The following RBM5 variants were observed in gnomAD, a reference collection of about 807,000 sequenced individuals.
RBM5 encodes RNA binding motif protein 5.
Under a neutral mutation model 124.6 loss-of-function variants are expected in RBM5, and 15 were observed. The ratio of observed to expected loss-of-function variants is 0.12; its 90% CI spans 0.08 to 0.19. The LOEUF is 0.19. Among genes scored for constraint, RBM5 ranks in the 10% least tolerant of loss-of-function variants. The pLI is 1.00. For synonymous variants in RBM5, 337 were observed against 361.2 expected (o/e 0.93, Z 0.76); for missense variants, 580 against 1,026.5 (o/e 0.57, Z 5.94).
At chr3:50,113,227 C>T (rs560423949) in intron 17 of RBM5, 156 bp from the exon 18 acceptor site, 12 of 618,916 alleles carry the variant, frequency 1.9e-5, no homozygotes, top group African/African-American at 1.9e-4. Flanking sequence ...CTAGGTGGTT[C>T]ATCACCTTTA....
intron 4 of RBM5, among the ~76,000 whole-genome samples, chr3:50,096,650 C>A (rs150403705): frequency 7.6e-6 from 1 of 132,322 alleles, no homozygotes; most frequent in African/African-American, 2.9e-5. Flanking sequence ...AGTGCAATCG[C>A]GTGATTGTGG....
chr3:50,100,908 T>C lies in RBM5; in HGVS notation c.483+303T>C. On this transcript the variant is annotated intron_variant, in intron 6 of 24. Coordinates refer to ENST00000347869, the MANE Select transcript of RBM5 (RefSeq NM_005778.4). The surrounding 1 kb of genome is among the most constrained non-coding windows in gnomAD (Gnocchi z 5.1). ...TTTCTAGTTTGTTATATTCCTATTATGTCCATTGAGAGTAAGCTTAGTATA... is the reference window on the plus strand; with the variant it reads ...TTTCTAGTTTGTTATATTCCTATTACGTCCATTGAGAGTAAGCTTAGTATA... 5 of 263,410 alleles carry C rather than the reference T, an allele frequency of 1.9e-5. No homozygotes were observed. Among genetic ancestry groups the C allele is most frequent in the Non-Finnish European group, 3.6e-5 (5 of 139,724 alleles). 16.3% of individuals were successfully genotyped at this position (263,410 alleles called of 1,614,324 possible).
rs779376556 is a variant in RBM5 at position 50,107,578 on chromosome 3, G to A, written c.1041+9G>A. Reference sequence around the variant, plus strand: ...AGTGGTCATCCACCCAGGTAAGATCGAGGATCTTTTTGCTCAAGGTAGTGT... The same window carrying A: ...AGTGGTCATCCACCCAGGTAAGATCAAGGATCTTTTTGCTCAAGGTAGTGT... On this transcript the variant is annotated intron_variant, in intron 12 of 24. Transcript: ENST00000347869. The A allele has an allele frequency of 1.3e-5, 20 of 1,587,424 alleles. No homozygotes were observed. Among genetic ancestry groups the A allele is most frequent in the East Asian group, 9.0e-5 (4 of 44,630 alleles).
At chr3:50,107,123 G>A (rs754482665) in intron 11 of RBM5, 1 of 672,618 alleles carries the variant, frequency 1.5e-6, no homozygotes, top group South Asian at 1.5e-5. Context: ...CACATGCTTT[G>A]CAAACTGCAG....
Position 50,110,404 on chromosome 3 carries a change from G to T in RBM5, c.1304G>T (p.Ser435Ile), listed in dbSNP as rs2091120767. ...ACTGAGGAAGCACAGCCTAGCACTA[G>T]CACAAGTACACAGGCCCCAGCCGCT... Reference protein sequence around the residue: ...SPTEEAQPSTSTSTQAPAASP... With the variant: ...SPTEEAQPSTITSTQAPAASP... Residue 435 changes from serine to isoleucine, a missense_variant, in exon 16 of 25, where the codon AGC becomes ATC. Transcript: ENST00000347869. 6.2e-7 allele frequency: 1 copy of T among 1,614,050 alleles called. No individual in the cohort carries two copies. The highest frequency in any genetic ancestry group is 1.7e-5 in the Admixed American group (1 of 59,986).
At position 50,103,000 on chromosome 3, in the gene RBM5, A is replaced by AT. The variant is rs766358306; in HGVS notation, c.484-78dup. 3.0e-5 allele frequency: 33 copies of AT among 1,116,136 alleles called. No individual in the cohort carries two copies. In the East Asian group the frequency reaches 5.4e-4, roughly 18 times the overall value. The allele number at this position is 1,116,136 out of a possible 1,614,324, so 69.1% of individuals were successfully genotyped here. ...TTGTCCATTTAATTCCAGAGCACTG[A>AT]TTTTTCCGAAGTGTGCTCTGCCCTG... On this transcript the variant is annotated intron_variant, in intron 6 of 24. Coordinates refer to ENST00000347869, the MANE Select transcript of RBM5 (RefSeq NM_005778.4).
At chr3:50,090,259 G>A (rs1054894625) in intron 1 of RBM5, 123 bp from the exon 2 acceptor site, 1 of 626,712 alleles carries the variant, frequency 1.6e-6, no homozygotes, top group Admixed American at 3.3e-5. Context: ...CCCCACCTTA[G>A]ATAATCACTG....
Position 50,118,625 on chromosome 3 carries a change from T to G in RBM5, c.*169T>G, listed in dbSNP as rs567145579. Reference sequence around the variant, plus strand: ...TCCCACCTTAAAGAAGTTCCCCTTATGTGGGTTGCCTGGTGAATGGCCTTC... The same window carrying G: ...TCCCACCTTAAAGAAGTTCCCCTTAGGTGGGTTGCCTGGTGAATGGCCTTC... On this transcript the variant is annotated 3_prime_UTR_variant, in exon 25 of 25. Transcript: ENST00000347869. The G allele has an allele frequency of 3.6e-6, 4 of 1,099,320 alleles. No individual in the cohort carries two copies. The highest frequency in any genetic ancestry group is 3.0e-4 in the Middle Eastern group (1 of 3,294). 68.1% of individuals were successfully genotyped at this position (1,099,320 alleles called of 1,614,324 possible). A position where few individuals can be genotyped will look rare whatever the true frequency, so the allele number is the denominator to read the frequency against.
chr3:50,115,994 T>C lies in RBM5; in HGVS notation c.2094+14T>C. On this transcript the variant is annotated intron_variant, in intron 22 of 24. Coordinates refer to ENST00000347869, the MANE Select transcript of RBM5 (RefSeq NM_005778.4). Reference sequence around the variant, plus strand: ...AGGGAGAGAGAGGTGAATGGGAAACTGTGCCACAAGGAAGAGGATATTGGG... The same window carrying C: ...AGGGAGAGAGAGGTGAATGGGAAACCGTGCCACAAGGAAGAGGATATTGGG... 1 of 1,603,458 alleles carries C rather than the reference T, an allele frequency of 6.2e-7. No individual in the cohort carries two copies. Among genetic ancestry groups the C allele is most frequent in the Non-Finnish European group, 8.5e-7 (1 of 1,170,304 alleles).
At chr3:50,116,741 A>G (rs1575341117) in intron 22 of RBM5, 1 of 344,798 alleles carries the variant, frequency 2.9e-6, no homozygotes. Context: ...AATGCTGAGG[A>G]GAACGGGCAA....
intron 17 of RBM5, among the ~76,000 whole-genome samples, chr3:50,112,462 C>T (rs1005820417): frequency 4.7e-5 from 7 of 150,048 alleles, no homozygotes; most frequent in Non-Finnish European, 7.4e-5. Context: ...CTGTTAGCCA[C>T]GCCACCTTAC....
intron 6 of RBM5, 59 bp from the exon 7 acceptor site, chr3:50,103,024 T>G: frequency 5.1e-6 from 7 of 1,365,558 alleles, no homozygotes; most frequent in Non-Finnish European, 7.3e-6. Flanking sequence ...TGCTCTGCCC[T>G]GGGAAAATGG....
At chr3:50,097,360 C>T (rs1481919713) in intron 4 of RBM5, among the ~76,000 whole-genome samples, 1 of 150,422 alleles carries the variant, frequency 6.6e-6, no homozygotes, top group African/African-American at 2.5e-5. Context: ...CGTGCCATTG[C>T]ACTCCAGCCT....
Position 50,107,114 on chromosome 3 carries a change from A to G in RBM5, c.953+250A>G, listed in dbSNP as rs570133804. 72 of 676,732 alleles carry G rather than the reference A, an allele frequency of 1.1e-4. No homozygotes were observed. In the Admixed American group the frequency reaches 1.1e-3, roughly 10 times the overall value. 41.9% of individuals were successfully genotyped at this position (676,732 alleles called of 1,614,324 possible). On this transcript the variant is annotated intron_variant, in intron 11 of 24. Transcript: ENST00000347869. Reference sequence around the variant, plus strand: ...CAAGTATGGCAGATGGGTTGAGAACACATGCTTTGCAAACTGCAGCAGTAT... The same window carrying G: ...CAAGTATGGCAGATGGGTTGAGAACGCATGCTTTGCAAACTGCAGCAGTAT...
At chr3:50,091,360 A>G (rs1307973849) in intron 2 of RBM5, among the ~76,000 whole-genome samples, 1 of 152,232 alleles carries the variant, frequency 6.6e-6, no homozygotes, top group African/African-American at 2.4e-5. Flanking sequence ...TCTGGTAAAC[A>G]GTTTACAAAA....
Position 50,117,992 on chromosome 3 carries a change from C to T in RBM5, c.2323-339C>T, listed in dbSNP as rs2091288743. 2 of 283,616 alleles carry T rather than the reference C, an allele frequency of 7.1e-6. No homozygotes were observed. The highest frequency in any genetic ancestry group is 1.4e-5 in the Non-Finnish European group (2 of 147,494). 17.6% of individuals were successfully genotyped at this position (283,616 alleles called of 1,614,324 possible). On this transcript the variant is annotated intron_variant, in intron 24 of 24. Transcript: ENST00000347869. This position sits in a 1 kb window ranked among gnomAD's most constrained non-coding sequence, Gnocchi z 4.2. ...GTTCATCCTGTTTATGTGAGTTCTG[C>T]TGACATTGAGCTATCCTGTATAATG...
chr3:50,116,019 G>T, intron 22 of RBM5, 39 bp downstream of exon 22: 1 of 1,552,834 alleles, frequency 6.4e-7, no homozygotes, highest in Non-Finnish European at 8.9e-7. Flanking sequence ...AGGATATTGG[G>T]ATAATTGCCT....
intron 2 of RBM5, 134 bp from the exon 3 acceptor site, chr3:50,091,909 G>A (rs1432118995): frequency 1.1e-6 from 1 of 926,852 alleles, no homozygotes; most frequent in African/African-American, 1.8e-5. Context: ...CTGGAATTTG[G>A]TAATACTTTT....
chr3:50,118,532 C>A lies in RBM5; in HGVS notation c.*76C>A. Reference sequence around the variant, plus strand: ...CCGAATTCGCTGTTACCGCCTGTCTCTTTAAGGGCATGCCTTGTGCTGTTA... The same window carrying A: ...CCGAATTCGCTGTTACCGCCTGTCTATTTAAGGGCATGCCTTGTGCTGTTA... On this transcript the variant is annotated 3_prime_UTR_variant, in exon 25 of 25. Transcript: ENST00000347869. The A allele has an allele frequency of 6.5e-7, 1 of 1,540,118 alleles. No homozygotes were observed. The highest frequency in any genetic ancestry group is 8.8e-7 in the Non-Finnish European group (1 of 1,135,570).
Sources: gnomAD v4.1 joint callset for allele counts (sites outside exome capture counted in the v4.1 genomes callset) on GRCh38, gnomAD v4.1.1 for gene constraint, Gnocchi (gnomAD v3.1) non-coding constraint, MANE v1.5 for transcripts, NCBI Gene and HGNC (gene_info 2026-07-23, HGNC 2026-07-21) for gene names.